The following SPRR2G variants were observed in gnomAD, a reference collection of about 807,000 sequenced individuals.
The protein encoded by SPRR2G is small proline rich protein 2G.
In SPRR2G, 1 loss-of-function variant was observed where a neutral mutation model predicts 0.7. The observed-to-expected ratio is 1.49, with a 90% confidence interval of 0.53 to 7.06. The LOEUF (loss-of-function observed/expected upper bound fraction) is 7.06. Among genes scored for constraint, SPRR2G ranks in the 30% most tolerant of loss-of-function variants. SPRR2G has a pLI of 0.14. For synonymous variants in SPRR2G, 38 were observed against 33.9 expected (o/e 1.12, Z -0.42); for missense variants, 96 against 88.5 (o/e 1.09, Z -0.34).
chr1:153,177,470 T>C, the SPRR2G span, among the ~76,000 whole-genome samples: 2 of 152,232 alleles, frequency 1.3e-5, no homozygotes, highest in African/African-American at 2.4e-5. Context: ...ACTAGCACTG[T>C]ATGAGAGTTC....
At chr1:153,155,822 G>A (rs1276001978), upstream of SPRR2G, among the ~76,000 whole-genome samples, 1 of 152,118 alleles carries the variant, frequency 6.6e-6, no homozygotes, top group East Asian at 1.9e-4. Context: ...CCGGGTTAAT[G>A]TCTACACAAT....
the SPRR2G span, chr1:153,191,014 T>C: frequency 6.6e-6 from 1 of 152,210 alleles, no homozygotes; most frequent in African/African-American, 2.4e-5. Flanking sequence ...GGAGACTGAA[T>C]GGTAAATCCT....
At chr1:153,202,216 A>G in the SPRR2G span, among the ~76,000 whole-genome samples, 1 of 152,230 alleles carries the variant, frequency 6.6e-6, no homozygotes, top group African/African-American at 2.4e-5. Context: ...TGCATGTTTC[A>G]TACTGACCCT....
At chr1:153,162,253 G>A in the SPRR2G span, among the ~76,000 whole-genome samples, 3 of 152,132 alleles carry the variant, frequency 2.0e-5, no homozygotes, top group Admixed American at 2.0e-4. Flanking sequence ...GTGAGAACAC[G>A]TGGTATTTGG....
At chr1:153,153,276 T>A (rs1255605954), upstream of SPRR2G, among the ~76,000 whole-genome samples, 1 of 152,198 alleles carries the variant, frequency 6.6e-6, no homozygotes, top group African/African-American at 2.4e-5. Flanking sequence ...TGTTCAAAGA[T>A]ATTTTAAAAT....
chr1:153,187,591 G>A, the SPRR2G span, among the ~76,000 whole-genome samples: 1 of 152,026 alleles, frequency 6.6e-6, no homozygotes, highest in Non-Finnish European at 1.5e-5. Context: ...ATTCTAGTTA[G>A]CAATTCCTGT....
At chr1:153,182,598 G>A in the SPRR2G span, among the ~76,000 whole-genome samples, 1 of 151,958 alleles carries the variant, frequency 6.6e-6, no homozygotes, top group South Asian at 2.1e-4. Context: ...CTGTCCATGT[G>A]TTCTCATTGT....
upstream of SPRR2G, among the ~76,000 whole-genome samples, chr1:153,152,918 G>A (rs984518176): frequency 1.3e-5 from 2 of 152,156 alleles, no homozygotes; most frequent in African/African-American, 4.8e-5. Flanking sequence ...GGAGGATTGG[G>A]CTTTTCAGAA....
the SPRR2G span, among the ~76,000 whole-genome samples, chr1:153,201,415 A>G: frequency 6.6e-6 from 1 of 152,236 alleles, no homozygotes; most frequent in Admixed American, 6.5e-5. Flanking sequence ...GCTAGTAGAA[A>G]TCACTACATT....
At chr1:153,184,606 G>A in the SPRR2G span, among the ~76,000 whole-genome samples, 1 of 152,176 alleles carries the variant, frequency 6.6e-6, no homozygotes, top group Admixed American at 6.5e-5. Context: ...TTTTTGGGCT[G>A]AGAAAATGGG....
the SPRR2G span, among the ~76,000 whole-genome samples, chr1:153,199,071 T>C: frequency 3.9e-5 from 6 of 152,198 alleles, no homozygotes; most frequent in Admixed American, 6.5e-5. Flanking sequence ...ACCATGTCCA[T>C]GAGGATTTCG....
chr1:153,170,655 C>A, the SPRR2G span, among the ~76,000 whole-genome samples: 30 of 152,242 alleles, frequency 2.0e-4, no homozygotes, highest in African/African-American at 6.0e-4. Flanking sequence ...AGAGGTATTC[C>A]ATGGCTTCAA....
At chr1:153,169,689 T>C in the SPRR2G span, among the ~76,000 whole-genome samples, 1 of 152,172 alleles carries the variant, frequency 6.6e-6, no homozygotes, top group Admixed American at 6.5e-5. Context: ...CAGCCTTCCA[T>C]CATGTTAACA....
At chr1:153,154,270 T>C (rs567128284), upstream of SPRR2G, among the ~76,000 whole-genome samples, 2 of 152,096 alleles carry the variant, frequency 1.3e-5, no homozygotes, top group Non-Finnish European at 2.9e-5. Flanking sequence ...TAGTATTTTG[T>C]TGAATCTTTT....
the SPRR2G span, among the ~76,000 whole-genome samples, chr1:153,159,231 T>C: frequency 1.3e-5 from 2 of 152,184 alleles, no homozygotes; most frequent in African/African-American, 2.4e-5. Flanking sequence ...TGCTCAGAAA[T>C]CTCTTCTGCC....
chr1:153,183,177 T>G, the SPRR2G span, among the ~76,000 whole-genome samples: 1 of 147,960 alleles, frequency 6.8e-6, no homozygotes, highest in African/African-American at 2.5e-5. Context: ...CAAGCGATTC[T>G]TTAAATTATG....
At chr1:153,160,491 G>T in the SPRR2G span, among the ~76,000 whole-genome samples, 52 of 152,156 alleles carry the variant, frequency 3.4e-4, no homozygotes, top group African/African-American at 1.2e-3. Context: ...CATAGTAGCT[G>T]CACCATTCTT....
chr1:153,153,572 T>C (rs1656517460), upstream of SPRR2G, among the ~76,000 whole-genome samples: 1 of 152,004 alleles, frequency 6.6e-6, no homozygotes, highest in South Asian at 2.1e-4. Context: ...GCCTAAAGAT[T>C]TTGAAAAGAA....
At chr1:153,150,231 G>T in intron 1 of SPRR2G, 100 bp from the exon 2 acceptor site, 1 of 1,504,976 alleles carries the variant, frequency 6.6e-7, no homozygotes, top group South Asian at 1.3e-5. Flanking sequence ...GACCAACTTT[G>T]ATCCCTAATA....
Sources: allele counts gnomAD v4.1 joint callset (sites outside exome capture counted in the v4.1 genomes callset), GRCh38; gene constraint gnomAD v4.1.1; transcripts MANE v1.5; gene names NCBI Gene and HGNC (gene_info 2026-07-23, HGNC 2026-07-21).